SDK1: variants seen among roughly 807,000 people sequenced by gnomAD.
The protein encoded by SDK1 is protein sidekick-1.
A neutral mutation model predicts 245.5 loss-of-function variants in SDK1; 157 were observed. The observed-to-expected ratio is 0.64, with a 90% confidence interval of 0.56 to 0.73. The LOEUF is 0.73. Ranked by LOEUF, SDK1 falls within the 30% of genes least tolerant of loss-of-function variation. SDK1 has a pLI of 0.00. For missense variants in SDK1, 3,583 were observed against 3,002.3 expected, an observed-to-expected ratio of 1.19 and a Z score of -4.52; for synonymous variants, 1,647 against 1,278.5, an observed-to-expected ratio of 1.29 and a Z score of -6.15.
chr7:3,430,723 G>C (rs1779819033), intron 1 of SDK1, among the ~76,000 whole-genome samples: 2 of 152,152 alleles, frequency 1.3e-5, no homozygotes, highest in South Asian at 4.1e-4. Flanking sequence ...GGCTTGTTAG[G>C]AATCTATCTC....
At chr7:3,328,440 G>A (rs983865336) in intron 1 of SDK1, among the ~76,000 whole-genome samples, 23 of 151,920 alleles carry the variant, frequency 1.5e-4, no homozygotes, top group African/African-American at 5.6e-4. Flanking sequence ...GATGATCTGG[G>A]TTGCTTGTAT....
intron 4 of SDK1, among the ~76,000 whole-genome samples, chr7:3,798,211 C>CTTTTT (rs71029699): frequency 2.4e-4 from 13 of 53,634 alleles, no homozygotes; most frequent in African/African-American, 6.4e-4. Context: ...CCTTGGCACT[C>CTTTTT]TTTTTTTTTT....
intron 4 of SDK1, among the ~76,000 whole-genome samples, chr7:3,664,655 G>A (rs1016587777): frequency 2.6e-5 from 4 of 151,274 alleles, no homozygotes; most frequent in Admixed American, 2.0e-4. Flanking sequence ...CACAAGAATC[G>A]CTTGAACCCA....
At chr7:3,868,992 G>A (rs559239452) in intron 5 of SDK1, among the ~76,000 whole-genome samples, 2 of 152,222 alleles carry the variant, frequency 1.3e-5, no homozygotes, top group East Asian at 3.9e-4. Flanking sequence ...GAAATATGAA[G>A]TCAGCCGACA....
intron 13 of SDK1, among the ~76,000 whole-genome samples, chr7:3,982,604 G>A (rs1406739858): frequency 6.6e-6 from 1 of 152,084 alleles, no homozygotes; most frequent in Non-Finnish European, 1.5e-5. Context: ...ACTTTGGGAG[G>A]CTGAGGTGGG....
intron 42 of SDK1, among the ~76,000 whole-genome samples, chr7:4,240,387 C>T (rs536450654): frequency 6.6e-6 from 1 of 152,156 alleles, no homozygotes; most frequent in Non-Finnish European, 1.5e-5. Flanking sequence ...CCTCACTCGA[C>T]ACCCCTCCCT....
chr7:3,878,964 T>G (rs1781140667), intron 5 of SDK1, among the ~76,000 whole-genome samples: 1 of 152,116 alleles, frequency 6.6e-6, no homozygotes, highest in Non-Finnish European at 1.5e-5. Flanking sequence ...TTAATTAACA[T>G]TTGCTAATAC....
chr7:3,619,949 G>A (rs1781883643), intron 2 of SDK1, among the ~76,000 whole-genome samples: 1 of 152,088 alleles, frequency 6.6e-6, no homozygotes, highest in African/African-American at 2.4e-5. Context: ...GCTTTCCAGG[G>A]GTATACTTTT....
rs1489972473 is a variant in SDK1 at position 4,267,350 on chromosome 7, T to C, written c.*1966T>C. On this transcript the variant is annotated 3_prime_UTR_variant, in exon 45 of 45. Transcript: ENST00000404826. ...TCTCTCCCCTATTCCTTCTTCCTTT[T>C]CTCCTCCTTTTTCTGAGTGGAGGGG... 4 of 981,286 alleles carry C rather than the reference T, an allele frequency of 4.1e-6. No individual in the cohort carries two copies. The East Asian group carries it at 4.6e-4, about 113-fold the overall frequency. 60.8% of individuals were successfully genotyped at this position (981,286 alleles called of 1,614,324 possible). A position where few individuals can be genotyped will look rare whatever the true frequency, so the allele number is the denominator to read the frequency against.
At chr7:3,444,414 G>A (rs1780286648) in intron 1 of SDK1, among the ~76,000 whole-genome samples, 1 of 152,060 alleles carries the variant, frequency 6.6e-6, no homozygotes, top group South Asian at 2.1e-4. Flanking sequence ...GTATTTCTGT[G>A]TTTAGGAGTG....
intron 1 of SDK1, among the ~76,000 whole-genome samples, chr7:3,392,030 C>A (rs1470367142): frequency 6.6e-6 from 1 of 150,950 alleles, no homozygotes; most frequent in African/African-American, 2.5e-5. Context: ...CCATACAAGG[C>A]TTTTATGGAG....
chr7:3,538,737 C>T (rs1423962455), intron 1 of SDK1, among the ~76,000 whole-genome samples: 6 of 152,136 alleles, frequency 3.9e-5, no homozygotes, highest in Non-Finnish European at 8.8e-5. Context: ...CTATGCAAAC[C>T]CCAGAACTTC....
At chr7:4,007,029 T>C (rs1243418492) in intron 14 of SDK1, among the ~76,000 whole-genome samples, 2 of 152,212 alleles carry the variant, frequency 1.3e-5, no homozygotes, top group Non-Finnish European at 2.9e-5. Flanking sequence ...TCTGAAACGA[T>C]GTTTGTTCAC....
At chr7:3,693,079 A>G (rs948862658) in intron 4 of SDK1, among the ~76,000 whole-genome samples, 2 of 151,994 alleles carry the variant, frequency 1.3e-5, no homozygotes, top group African/African-American at 2.4e-5. Context: ...CATATTATAT[A>G]TTAATATGAC....
At chr7:3,515,361 G>A (rs752942803) in intron 1 of SDK1, among the ~76,000 whole-genome samples, 2 of 152,122 alleles carry the variant, frequency 1.3e-5, no homozygotes, top group Non-Finnish European at 2.9e-5. Context: ...ACTTGGGAGG[G>A]CACAAATTAC....
At position 3,769,731 on chromosome 7, in the gene SDK1, C is replaced by T. The variant is rs564748610; in HGVS notation, c.714-51719C>T. ...GGGATGAGCCTGCCTGGACTGCCTT[C>T]TATGGTAGGTTAGGGGTTAGGAGTT... On this transcript the variant is annotated intron_variant, in intron 4 of 44. Transcript: ENST00000404826. 7.9e-5 allele frequency among the ~76,000 whole-genome samples: 12 copies of T among 152,080 alleles called. No homozygotes were observed. The South Asian group carries it at 1.7e-3, about 21-fold the overall frequency.
At chr7:3,846,782 G>A (rs1425470582) in intron 5 of SDK1, among the ~76,000 whole-genome samples, 4 of 152,082 alleles carry the variant, frequency 2.6e-5, no homozygotes, top group Non-Finnish European at 5.9e-5. Context: ...CTTTACCCCT[G>A]GTTCCTATCA....
intron 4 of SDK1, among the ~76,000 whole-genome samples, chr7:3,737,377 G>C (rs185579663): frequency 6.6e-6 from 1 of 152,340 alleles, no homozygotes; most frequent in Admixed American, 6.5e-5. Flanking sequence ...GTGCAGGGGG[G>C]CGTCCACTGT....
intron 1 of SDK1, among the ~76,000 whole-genome samples, chr7:3,327,097 A>G (rs1779957542): frequency 6.6e-6 from 1 of 152,192 alleles, no homozygotes; most frequent in South Asian, 2.1e-4. Flanking sequence ...TGAGCTGGTT[A>G]GGTAGCAGCT....
Sources: allele counts gnomAD v4.1 joint callset (sites outside exome capture counted in the v4.1 genomes callset), GRCh38; gene constraint gnomAD v4.1.1; transcripts MANE v1.5; gene names NCBI Gene and HGNC (gene_info 2026-07-23, HGNC 2026-07-21).